The following MAGI1 variants were observed in gnomAD, a reference collection of about 807,000 sequenced individuals.
The protein encoded by MAGI1 is membrane-associated guanylate kinase, WW and PDZ domain-containing protein 1.
In MAGI1, 58 loss-of-function variants were observed where a neutral mutation model predicts 139.9. The ratio of observed to expected loss-of-function variants is 0.41; its 90% CI spans 0.34 to 0.52. The LOEUF (loss-of-function observed/expected upper bound fraction) is 0.52. Ranked by LOEUF, MAGI1 falls within the 20% of genes least tolerant of loss-of-function variation. MAGI1 has a pLI of 0.12. For synonymous variants in MAGI1, 812 were observed against 737.9 expected (o/e 1.10, Z -1.63); for missense variants, 1,874 against 1,901.6 (o/e 0.99, Z 0.27).
At chr3:65,467,826 A>C (rs1950265140) in intron 5 of MAGI1, among the ~76,000 whole-genome samples, 1 of 152,250 alleles carries the variant, frequency 6.6e-6, no homozygotes, top group African/African-American at 2.4e-5. Context: ...CTTCTTTACT[A>C]ATGTGACATA....
rs188584543 is a variant in MAGI1, at chr3:65,795,254, C to G, written c.314-173166G>C. Among the ~76,000 whole-genome samples the G allele has an allele frequency of 1.3e-3, 196 of 152,256 alleles. 1 individual carries two copies. Among genetic ancestry groups the G allele is most frequent in the Non-Finnish European group, 2.2e-3 (149 of 68,016 alleles). On this transcript the variant is annotated intron_variant, in intron 1 of 22. Coordinates refer to ENST00000402939, the MANE Select transcript of MAGI1 (RefSeq NM_001033057.2). ...ACACAAATGTTCATAGCAACTTTATCAGTAATAGCCAAAACTACCATCAAC... is the reference window on the plus strand; with the variant it reads ...ACACAAATGTTCATAGCAACTTTATGAGTAATAGCCAAAACTACCATCAAC...
chr3:65,509,638 G>A (rs887588410), intron 2 of MAGI1, among the ~76,000 whole-genome samples: 10 of 152,196 alleles, frequency 6.6e-5, no homozygotes, highest in African/African-American at 1.7e-4. Flanking sequence ...TCCCACACCT[G>A]GCTCAGAGGG....
chr3:65,549,540 A>G, intron 2 of MAGI1: 1 of 935,574 alleles, frequency 1.1e-6, no homozygotes, highest in Non-Finnish European at 1.3e-6. Flanking sequence ...TGGGGCTCGC[A>G]GGCAGTAGGC....
intron 2 of MAGI1, among the ~76,000 whole-genome samples, chr3:65,572,197 T>C (rs548132836): frequency 6.6e-6 from 1 of 152,278 alleles, no homozygotes; most frequent in African/African-American, 2.4e-5. Context: ...AAGAATAATA[T>C]CTTATCAATA....
In MAGI1 at chr3:65,391,647, C is replaced by T. The variant is rs148907318; in HGVS notation, c.2200-289G>A. 2.6e-4 allele frequency among the ~76,000 whole-genome samples: 40 copies of T among 152,248 alleles called. 2 individuals carry two copies. The highest frequency in any genetic ancestry group is 8.4e-4 in the African/African-American group (35 of 41,542). On this transcript the variant is annotated intron_variant, in intron 13 of 22. Coordinates refer to ENST00000402939, the MANE Select transcript of MAGI1 (RefSeq NM_001033057.2). The stretch of plus-strand genomic sequence containing the variant: ...ATTCATCACAGGTTCTCAGCTAAGA[C>T]GCTATGCTCGTTTACTGCAAGATGG...
intron 1 of MAGI1, among the ~76,000 whole-genome samples, chr3:65,724,987 T>C (rs2033445219): frequency 6.6e-6 from 1 of 152,122 alleles, no homozygotes; most frequent in African/African-American, 2.4e-5. Flanking sequence ...AGCCTAACCA[T>C]ATCAATCACC....
intron 2 of MAGI1, chr3:65,620,057 G>C (rs1227397924): frequency 9.9e-6 from 9 of 913,114 alleles, no homozygotes; most frequent in Non-Finnish European, 1.0e-5. Flanking sequence ...CTCACAGTCA[G>C]GTCCAATAAA....
intron 1 of MAGI1, among the ~76,000 whole-genome samples, chr3:65,677,004 A>G (rs2087236959): frequency 6.6e-6 from 1 of 152,176 alleles, no homozygotes; most frequent in Non-Finnish European, 1.5e-5. Flanking sequence ...TGCTCTTGGT[A>G]TTTTATTATG....
chr3:65,443,041 T>A (rs571797177), intron 7 of MAGI1, among the ~76,000 whole-genome samples, 192 bp from the exon 8 acceptor site: 2 of 152,270 alleles, frequency 1.3e-5, no homozygotes, highest in East Asian at 3.9e-4. Flanking sequence ...TGAACAGCAT[T>A]TCTTTATCTA....
chr3:65,928,233 T>C (rs1220384833), intron 1 of MAGI1, among the ~76,000 whole-genome samples: 3 of 152,200 alleles, frequency 2.0e-5, no homozygotes, highest in Non-Finnish European at 2.9e-5. Flanking sequence ...CTAGGTTCAC[T>C]GAGTTTACAG....
chr3:65,909,971 T>C lies in MAGI1; in HGVS notation c.313+128025A>G, dbSNP rs150925801. ...AGCGCACAACTAGATCCCTCACATGTGCAGTTCACAACAGGGTTCACACTC... is the reference window on the plus strand; with the variant it reads ...AGCGCACAACTAGATCCCTCACATGCGCAGTTCACAACAGGGTTCACACTC... On this transcript the variant is annotated intron_variant, in intron 1 of 22. Transcript: ENST00000402939. Among the ~76,000 whole-genome samples, 756 of 152,220 alleles carry C rather than the reference T, an allele frequency of 5.0e-3. 23 individuals are homozygous for C. In the East Asian group the frequency reaches 0.069, roughly 14 times the overall value.
intron 1 of MAGI1, among the ~76,000 whole-genome samples, chr3:65,706,947 A>T (rs1031977089): frequency 6.6e-6 from 1 of 152,220 alleles, no homozygotes; most frequent in Non-Finnish European, 1.5e-5. Flanking sequence ...CTCACAAGAC[A>T]TAAACAAAAA....
chr3:65,619,757 T>C, intron 2 of MAGI1: 2 of 619,038 alleles, frequency 3.2e-6, no homozygotes, highest in Non-Finnish European at 4.0e-6. Flanking sequence ...AGTCTACTCA[T>C]GTTCAAAGGC....
intron 1 of MAGI1, among the ~76,000 whole-genome samples, chr3:65,713,800 T>C (rs2031842794): frequency 6.6e-6 from 1 of 152,210 alleles, no homozygotes; most frequent in Non-Finnish European, 1.5e-5. Context: ...ACATGGTTCC[T>C]AAACATTTAC....
intron 2 of MAGI1, among the ~76,000 whole-genome samples, chr3:65,518,843 A>C (rs1398148369): frequency 6.6e-6 from 1 of 152,240 alleles, no homozygotes; most frequent in East Asian, 1.9e-4. Flanking sequence ...GATACACATT[A>C]AATAAACTAG....
chr3:65,414,246 G>A (rs950943179), intron 12 of MAGI1, among the ~76,000 whole-genome samples: 6 of 152,238 alleles, frequency 3.9e-5, no homozygotes, highest in East Asian at 3.9e-4. Context: ...GGGTGCCCTC[G>A]AGCACACTAA....
intron 1 of MAGI1, among the ~76,000 whole-genome samples, chr3:65,892,614 T>C (rs529160085): frequency 3.9e-5 from 6 of 152,318 alleles, no homozygotes; most frequent in African/African-American, 1.2e-4. Flanking sequence ...AACATTTATG[T>C]ATTAGGTGTT....
At chr3:65,573,732 C>A (rs1378566829) in intron 2 of MAGI1, among the ~76,000 whole-genome samples, 3 of 152,006 alleles carry the variant, frequency 2.0e-5, no homozygotes, top group Non-Finnish European at 4.4e-5. Context: ...GAGGCTATAG[C>A]CAGTGCAATA....
chr3:65,434,414 A>G (rs1284246158), intron 10 of MAGI1, among the ~76,000 whole-genome samples: 1 of 152,188 alleles, frequency 6.6e-6, no homozygotes, highest in Non-Finnish European at 1.5e-5. Flanking sequence ...CTCTCCAAGC[A>G]TAAGCTTGAA....
Sources: gnomAD v4.1 joint callset for allele counts (sites outside exome capture counted in the v4.1 genomes callset) on GRCh38, gnomAD v4.1.1 for gene constraint, MANE v1.5 for transcripts, NCBI Gene and HGNC (gene_info 2026-07-23, HGNC 2026-07-21) for gene names.